The following GRM4 variants were observed in gnomAD, a reference collection of about 807,000 sequenced individuals.
The protein encoded by GRM4 is metabotropic glutamate receptor 4.
A neutral mutation model predicts 81.7 loss-of-function variants in GRM4; 28 were observed. The ratio of observed to expected loss-of-function variants is 0.34; its 90% CI spans 0.25 to 0.47. The LOEUF (loss-of-function observed/expected upper bound fraction) is 0.47. GRM4 is among the 20% of genes least tolerant of loss of function. The pLI is 1.00. For missense variants in GRM4, 948 were observed against 1,290.0 expected, an observed-to-expected ratio of 0.73 and a Z score of 4.06; for synonymous variants, 488 against 528.8, an observed-to-expected ratio of 0.92 and a Z score of 1.06.
chr6:34,148,899 T>C (rs1770993727), upstream of GRM4, among the ~76,000 whole-genome samples: 1 of 152,128 alleles, frequency 6.6e-6, no homozygotes, highest in South Asian at 2.1e-4. Flanking sequence ...CGCCCGTTCC[T>C]GCACCAGTCC....
chr6:34,133,184 T>G lies in GRM4; in HGVS notation c.313A>C (p.Ile105Leu), dbSNP rs1175064945. The change falls in exon 2 of 11, where the codon ATT becomes CTT. Residue 105 changes from isoleucine to leucine, a missense_variant. By Grantham distance (5) the Ile-to-Leu change is conservative. Coordinates refer to ENST00000538487, the MANE Select transcript of GRM4 (RefSeq NM_000841.4). This position sits in a 1 kb window ranked among gnomAD's most constrained non-coding sequence, Gnocchi z 6.5. ...GTGTCCCTGGAGCAGGTGTCCAGAA[T>G]GCGGGCGCCCAGCGTGATGTTAGGC... is the stretch of plus-strand genomic sequence containing the variant. ...LLPNITLGARILDTCSRDTHA... is the reference protein window; with the variant it reads ...LLPNITLGARLLDTCSRDTHA... The G allele has an allele frequency of 6.2e-7, 1 of 1,613,810 alleles. No homozygotes were observed. The highest frequency in any genetic ancestry group is 8.5e-7 in the Non-Finnish European group (1 of 1,179,846).
intron 3 of GRM4, among the ~76,000 whole-genome samples, chr6:34,087,457 G>A (rs1212024242): frequency 3.4e-5 from 5 of 148,628 alleles, no homozygotes; most frequent in Admixed American, 2.0e-4. Context: ...CTGTGCCCAC[G>A]TCTGTGCCAC....
chr6:34,030,736 G>T (rs971112973), intron 9 of GRM4, among the ~76,000 whole-genome samples: 1 of 152,190 alleles, frequency 6.6e-6, no homozygotes, highest in East Asian at 1.9e-4. Context: ...TGTGCTGGGC[G>T]CTGAAAATTA....
chr6:34,081,373 C>T (rs1292586776), intron 3 of GRM4, among the ~76,000 whole-genome samples: 1 of 152,222 alleles, frequency 6.6e-6, no homozygotes, highest in Non-Finnish European at 1.5e-5. Flanking sequence ...CACAAGGAGT[C>T]TCAGGGGTCT....
At chr6:34,141,353 A>C (rs1326574737) in intron 1 of GRM4, among the ~76,000 whole-genome samples, 1 of 152,234 alleles carries the variant, frequency 6.6e-6, no homozygotes, top group Non-Finnish European at 1.5e-5. Flanking sequence ...GCCTGTCAGC[A>C]TGGCTCGGCC....
intron 3 of GRM4, among the ~76,000 whole-genome samples, chr6:34,066,418 C>T (rs1007620130): frequency 1.3e-5 from 2 of 152,044 alleles, no homozygotes; most frequent in African/African-American, 2.4e-5. Context: ...AATTGACGGA[C>T]AAAAGCAAGT....
intron 3 of GRM4, chr6:34,091,624 A>G (rs1768219946): frequency 1.9e-6 from 1 of 535,992 alleles, no homozygotes; most frequent in Non-Finnish European, 3.3e-6. Context: ...AGGCTCCTGC[A>G]CCAGGGAGGT....
Position 34,061,995 on chromosome 6 carries a change from GGT to G in GRM4, c.768_769del (p.Pro257ThrfsTer32). ...GAACTCGCCTGCCTTGGGCTCCCGT[GGT>G]ATCTTCACCGACTGGGCGATGCACA... is the stretch of plus-strand genomic sequence containing the variant. On this transcript the variant is annotated frameshift_variant, in exon 4 of 11. Coordinates refer to ENST00000538487, the MANE Select transcript of GRM4 (RefSeq NM_000841.4). LOFTEE classifies it high-confidence loss of function. 6.2e-7 allele frequency: 1 copy of G among 1,613,774 alleles called. No individual in the cohort carries two copies. Among genetic ancestry groups the G allele is most frequent in the African/African-American group, 1.3e-5 (1 of 75,048 alleles).
chr6:34,040,190 G>A lies in GRM4; in HGVS notation c.1494C>T (p.His498=). Residue 498 remains histidine, a synonymous_variant, in exon 8 of 11, where the codon CAC becomes CAT. Coordinates refer to ENST00000538487, the MANE Select transcript of GRM4 (RefSeq NM_000841.4). ...EYKVIGSWTD[H]LHLRIERMHW... is the part of the protein sequence containing the mutation. ...CCCTCCCACTTACTCTAAGGTGCAG[G>A]TGGTCAGTCCAGGAGCCAATGACCT... is the stretch of plus-strand genomic sequence containing the variant. The A allele has an allele frequency of 6.2e-7, 1 of 1,614,084 alleles. No individual in the cohort carries two copies. The highest frequency in any genetic ancestry group is 1.1e-5 in the South Asian group (1 of 91,086).
chr6:34,065,639 G>A (rs1437472637), intron 3 of GRM4, among the ~76,000 whole-genome samples: 3 of 151,482 alleles, frequency 2.0e-5, no homozygotes, highest in Non-Finnish European at 4.4e-5. Flanking sequence ...CCAGGCTCCT[G>A]ACAAACACCC....
chr6:34,075,720 T>C (rs1285946362), intron 3 of GRM4, among the ~76,000 whole-genome samples: 1 of 152,236 alleles, frequency 6.6e-6, no homozygotes, highest in African/African-American at 2.4e-5. Context: ...CAAGTTAATA[T>C]ACATAAGGTG....
At position 34,078,183 on chromosome 6, in the gene GRM4, A is replaced by C. The variant is rs1259849756; in HGVS notation, c.736+13700T>G. On this transcript the variant is annotated intron_variant, in intron 3 of 10. Transcript: ENST00000538487. The surrounding 1 kb of genome is among the most constrained non-coding windows in gnomAD (Gnocchi z 4.8). ...TGGTTAATTAACTAACATTTGACCT[A>C]TTGTCCGGAAGGCTCCCGGACCCAT... 6.6e-6 allele frequency among the ~76,000 whole-genome samples: 1 copy of C among 152,098 alleles called. No homozygotes were observed. Among genetic ancestry groups the C allele is most frequent in the Non-Finnish European group, 1.5e-5 (1 of 68,012 alleles).
chr6:34,054,422 C>T (rs1261816872), intron 6 of GRM4: 1 of 152,166 alleles, frequency 6.6e-6, no homozygotes, highest in Non-Finnish European at 1.5e-5. Context: ...CCTCGGCCCC[C>T]CAAAGTGCTG....
Position 34,036,457 on chromosome 6 carries a change from C to T in GRM4, c.1653G>A (p.Gln551=). 1 of 1,613,662 alleles carries T rather than the reference C, an allele frequency of 6.2e-7. No individual in the cohort carries two copies. Among genetic ancestry groups the T allele is most frequent in the Non-Finnish European group, 8.5e-7 (1 of 1,179,934 alleles). Residue 551 remains glutamine (Q), a synonymous_variant, in exon 9 of 11, where the codon CAG becomes CAA. Transcript: ENST00000538487. The surrounding 1 kb of genome is among the most constrained non-coding windows in gnomAD (Gnocchi z 9.0). ...HCEPCTGYQY[Q]VDRYTCKTCP... Reference sequence around the variant, plus strand: ...ACGTCTTACAGGTGTAGCGGTCCACCTGGTACTGGTACCCTGTGCAAGGCT... The same window carrying T: ...ACGTCTTACAGGTGTAGCGGTCCACTTGGTACTGGTACCCTGTGCAAGGCT...
rs1032980825 is a variant in GRM4, at chr6:34,070,471, C to T, written c.737-8443G>A. 1.3e-5 allele frequency among the ~76,000 whole-genome samples: 2 copies of T among 152,052 alleles called. No individual in the cohort carries two copies. The highest frequency in any genetic ancestry group is 2.4e-5 in the African/African-American group (1 of 41,368). ...AAGGGCCCTGCCTGAAGACAGGTGA[C>T]TCAGTTGATAGTTTAAACTCCACCC... On this transcript the variant is annotated intron_variant, in intron 3 of 10. Transcript: ENST00000538487. The surrounding 1 kb of genome is among the most constrained non-coding windows in gnomAD (Gnocchi z 4.6).
intron 3 of GRM4, among the ~76,000 whole-genome samples, chr6:34,088,815 G>A (rs985383047): frequency 6.6e-6 from 1 of 152,208 alleles, no homozygotes; most frequent in African/African-American, 2.4e-5. Flanking sequence ...GGGGTGTCTG[G>A]CCCAGGCAGG....
rs1053168769 is a variant in GRM4, at chr6:34,091,939, T to G, written c.680A>C (p.Glu227Ala). Residue 227 changes from glutamate to alanine, a missense_variant, in exon 3 of 11, where the codon GAG (glutamate) becomes GCG (alanine). By Grantham distance (107) the Glu-to-Ala change is moderately radical (BLOSUM62 -1). Coordinates refer to ENST00000538487, the MANE Select transcript of GRM4 (RefSeq NM_000841.4). ...CACACCGCTCTCACCATAGCTGCCC[T>G]CCGAGGCCACTGTGGACACATAGTT... ...KWNYVSTVAS[E>A]GSYGESGVEA... is the part of the protein sequence containing the mutation. 6.2e-7 allele frequency: 1 copy of G among 1,613,986 alleles called. No individual in the cohort carries two copies. The highest frequency in any genetic ancestry group is 1.3e-5 in the African/African-American group (1 of 74,932).
chr6:34,033,696 T>A (rs1764554506), intron 9 of GRM4, among the ~76,000 whole-genome samples: 1 of 111,726 alleles, frequency 9.0e-6, no homozygotes, highest in South Asian at 3.6e-4. Context: ...TCTCTCTCTC[T>A]CTTTCTCTTT....
At chr6:34,075,335 C>T (rs1384554774) in intron 3 of GRM4, among the ~76,000 whole-genome samples, 1 of 152,224 alleles carries the variant, frequency 6.6e-6, no homozygotes, top group Non-Finnish European at 1.5e-5. Context: ...CCTCACTTCA[C>T]CTCTACCACA....
Sources: gnomAD v4.1 joint callset for allele counts (sites outside exome capture counted in the v4.1 genomes callset) on GRCh38, gnomAD v4.1.1 for gene constraint, Gnocchi (gnomAD v3.1) non-coding constraint, MANE v1.5 for transcripts, NCBI Gene and HGNC (gene_info 2026-07-23, HGNC 2026-07-21) for gene names.